Variants in PALMD observed in about 807,000 individuals in gnomAD.
PALMD encodes palmdelphin.
In PALMD, 42 loss-of-function variants were observed where a neutral mutation model predicts 56.2. The ratio of observed to expected loss-of-function variants is 0.75; its 90% CI spans 0.58 to 0.97. The LOEUF (loss-of-function observed/expected upper bound fraction) is 0.97, where lower values mean the gene tolerates loss of function less well. PALMD is among the 50% of genes least tolerant of loss of function. PALMD has a pLI of 0.00. For missense variants in PALMD, 660 were observed against 643.8 expected, an observed-to-expected ratio of 1.03 and a Z score of -0.27; for synonymous variants, 242 against 222.9, an observed-to-expected ratio of 1.09 and a Z score of -0.76.
rs1268578726 is a variant in PALMD at position 99,683,050 on chromosome 1, AAGAAAGAGAGAG to A, written c.252-3622_252-3611del. ...AAAGAAAGAAAGAAAGAAAGAAAGA[AAGAAAGAGAGAG>A]AGAGAGAGAGAGAGAGAGAGAGAGA... On this transcript the variant is annotated intron_variant, in intron 3 of 7. Transcript: ENST00000263174. 1.4e-3 allele frequency among the ~76,000 whole-genome samples: 21 copies of A among 15,394 alleles called. 1 individual carries two copies. The highest frequency in any genetic ancestry group is 9.6e-3 in the African/African-American group (17 of 1,780). The allele number at this position is 15,394 out of a possible 152,430, so 10.1% of individuals were successfully genotyped here. A position where few individuals can be genotyped will look rare whatever the true frequency, so the allele number is the denominator to read the frequency against.
intron 3 of PALMD, chr1:99,683,951 A>G (rs1653430619): frequency 6.6e-6 from 1 of 152,146 alleles, no homozygotes; most frequent in Non-Finnish European, 1.5e-5. Flanking sequence ...CTCAAATGAC[A>G]CTTTATCAGA....
At chr1:99,688,295 G>A (rs1456790843) in intron 6 of PALMD, among the ~76,000 whole-genome samples, 1 of 152,070 alleles carries the variant, frequency 6.6e-6, no homozygotes. Flanking sequence ...CAGGCTGCTG[G>A]CCTGTACAAC....
chr1:99,648,514 C>G (rs1652492408), intron 1 of PALMD, among the ~76,000 whole-genome samples: 1 of 152,134 alleles, frequency 6.6e-6, no homozygotes, highest in African/African-American at 2.4e-5. Flanking sequence ...CCAACCTAGA[C>G]TAAAACTCAG....
intron 1 of PALMD, among the ~76,000 whole-genome samples, chr1:99,653,472 G>A (rs528469233): frequency 1.6e-4 from 24 of 152,146 alleles, no homozygotes; most frequent in African/African-American, 5.3e-4. Flanking sequence ...GTGTTGTAAG[G>A]TTGGGAAAGA....
At chr1:99,688,407 A>G (rs1422261692) in intron 6 of PALMD, among the ~76,000 whole-genome samples, 1 of 152,186 alleles carries the variant, frequency 6.6e-6, no homozygotes, top group Non-Finnish European at 1.5e-5. Context: ...GATTCTGCCC[A>G]TTGAGAAATG....
chr1:99,671,751 G>A (rs1653093845), intron 3 of PALMD, among the ~76,000 whole-genome samples: 1 of 152,080 alleles, frequency 6.6e-6, no homozygotes, highest in South Asian at 2.1e-4. Context: ...CAGGCATTGT[G>A]CTAAACATTT....
intron 3 of PALMD, chr1:99,683,651 G>A (rs1653421850): frequency 6.6e-6 from 1 of 152,066 alleles, no homozygotes. Context: ...TAGCACAATT[G>A]ACCTCCATGT....
chr1:99,678,243 T>C, intron 3 of PALMD, among the ~76,000 whole-genome samples: 1 of 141,292 alleles, frequency 7.1e-6, no homozygotes, highest in Non-Finnish European at 1.5e-5. Flanking sequence ...ACTGGGATTA[T>C]ATAGGTGCGT....
In PALMD at chr1:99,689,392, A is replaced by G. The variant is rs144724627; in HGVS notation, c.1132A>G (p.Lys378Glu). The change falls in exon 7 of 8, where the codon AAA becomes GAA. Residue 378 changes from lysine (K) to glutamate (E), a missense_variant. Lys to Glu is a moderately conservative substitution (Grantham distance 56). Transcript: ENST00000263174. ...GAGCCCCAGAGAGACAATATTTGGGAAATCTGAACACCAGAATTCTTCACC... is the reference window on the plus strand; with the variant it reads ...GAGCCCCAGAGAGACAATATTTGGGGAATCTGAACACCAGAATTCTTCACC... ...RLSPRETIFG[K>E]SEHQNSSPTC... 6.2e-6 allele frequency: 10 copies of G among 1,613,702 alleles called. No homozygotes were observed. The African/African-American group carries it at 1.3e-4, about 22-fold the overall frequency.
chr1:99,686,794 A>C lies in PALMD; in HGVS notation c.366+4A>C. 1 of 1,477,718 alleles carries C rather than the reference A, an allele frequency of 6.8e-7. No homozygotes were observed. 91.5% of individuals were successfully genotyped at this position (1,477,718 alleles called of 1,614,324 possible). A position where few individuals can be genotyped will look rare whatever the true frequency, so the allele number is the denominator to read the frequency against. ...GACAACAGAAGACATTATAAGAGTG[A>C]GCATTAACCAATTTTAAAACTGTAA... On this transcript the variant is annotated splice_donor_region_variant and intron_variant, in intron 4 of 7. Transcript: ENST00000263174.
intron 3 of PALMD, among the ~76,000 whole-genome samples, chr1:99,673,826 A>T (rs1489707854): frequency 6.6e-6 from 1 of 152,220 alleles, no homozygotes; most frequent in Non-Finnish European, 1.5e-5. Context: ...CCTAGCACAT[A>T]GTAGGAATAC....
intron 3 of PALMD, among the ~76,000 whole-genome samples, chr1:99,671,647 C>A (rs1295568801): frequency 6.6e-6 from 1 of 152,158 alleles, no homozygotes; most frequent in African/African-American, 2.4e-5. Context: ...AATGAGGATT[C>A]TTTCCATTTG....
At chr1:99,685,320 T>G (rs576636350) in intron 3 of PALMD, 2 of 152,266 alleles carry the variant, frequency 1.3e-5, no homozygotes, top group East Asian at 3.9e-4. Flanking sequence ...AGTGCAGAGC[T>G]TTCCCCTTTA....
intron 3 of PALMD, among the ~76,000 whole-genome samples, chr1:99,673,392 T>A (rs1008529512): frequency 3.3e-5 from 5 of 152,048 alleles, no homozygotes; most frequent in Admixed American, 1.3e-4. Flanking sequence ...AAATACTACA[T>A]TCTAGATGTT....
intron 3 of PALMD, among the ~76,000 whole-genome samples, chr1:99,678,665 C>T (rs1053089005): frequency 8.6e-5 from 13 of 151,998 alleles, no homozygotes; most frequent in African/African-American, 2.4e-4. Context: ...AAAAAACTCA[C>T]AAAATATAGG....
chr1:99,667,268 C>T (rs1029581747), intron 2 of PALMD, among the ~76,000 whole-genome samples: 4 of 152,078 alleles, frequency 2.6e-5, no homozygotes, highest in Admixed American at 1.3e-4. Flanking sequence ...TAACAGATGA[C>T]ACTAAAGACA....
chr1:99,670,194 G>A (rs1307959513), intron 3 of PALMD, among the ~76,000 whole-genome samples: 1 of 152,136 alleles, frequency 6.6e-6, no homozygotes, highest in Non-Finnish European at 1.5e-5. Context: ...CTGATTCCAT[G>A]TTTGTTCATT....
chr1:99,650,681 A>C (rs1652560780), intron 1 of PALMD, among the ~76,000 whole-genome samples: 1 of 152,146 alleles, frequency 6.6e-6, no homozygotes, highest in South Asian at 2.1e-4. Flanking sequence ...GCCCTTGTTC[A>C]AAAAATATTC....
At chr1:99,675,383 T>A (rs1167000617) in intron 3 of PALMD, among the ~76,000 whole-genome samples, 1 of 152,182 alleles carries the variant, frequency 6.6e-6, no homozygotes, top group Non-Finnish European at 1.5e-5. Flanking sequence ...TCTCTACAAT[T>A]TATTTTTAGG....
Sources: allele counts gnomAD v4.1 joint callset (sites outside exome capture counted in the v4.1 genomes callset), GRCh38; gene constraint gnomAD v4.1.1; transcripts MANE v1.5; gene names NCBI Gene and HGNC (gene_info 2026-07-23, HGNC 2026-07-21).